BTNL9: variants seen among roughly 807,000 people sequenced by gnomAD.
The protein encoded by BTNL9 is butyrophilin-like protein 9.
In BTNL9, 45 loss-of-function variants were observed where a neutral mutation model predicts 45.8. The ratio of observed to expected loss-of-function variants is 0.98; its 90% CI spans 0.77 to 1.26. BTNL9 has a LOEUF of 1.26. Ranked by LOEUF, BTNL9 falls within the 50% of genes most tolerant of loss-of-function variation. The pLI, the probability that BTNL9 is intolerant of heterozygous loss-of-function variation, is 0.00. For synonymous variants in BTNL9, 346 were observed against 330.8 expected (o/e 1.05, Z -0.50); for missense variants, 784 against 729.7 (o/e 1.07, Z -0.86).
In BTNL9 at chr5:181,060,463, G is replaced by A. The variant is rs1208271992; in HGVS notation, c.*601G>A. 1 of 152,264 alleles carries A rather than the reference G, an allele frequency of 6.6e-6. No homozygotes were observed. Among genetic ancestry groups the A allele is most frequent in the East Asian group, 1.9e-4 (1 of 5,202 alleles). The allele number at this position is 152,264 out of a possible 1,614,324, so 9.4% of individuals were successfully genotyped here. On this transcript the variant is annotated 3_prime_UTR_variant, in exon 11 of 11. Coordinates refer to ENST00000327705, the MANE Select transcript of BTNL9 (RefSeq NM_152547.5). ...TGACGGCAACCCGGCAAAAGGGTAG[G>A]GAGCCAGGCCGAAGGGGCCTCACTG...
chr5:181,056,380 C>T (rs1044076967), intron 9 of BTNL9, among the ~76,000 whole-genome samples: 2 of 152,142 alleles, frequency 1.3e-5, no homozygotes, highest in Non-Finnish European at 2.9e-5. Context: ...TATATTCTTG[C>T]AAAATGTGAA....
Position 181,050,429 on chromosome 5 carries a change from C to T in BTNL9, c.736+60C>T. 6.4e-7 allele frequency: 1 copy of T among 1,563,422 alleles called. No homozygotes were observed. On this transcript the variant is annotated intron_variant, in intron 4 of 10. Transcript: ENST00000327705. This position sits in a 1 kb window ranked among gnomAD's most constrained non-coding sequence, Gnocchi z 4.9. Reference sequence around the variant, plus strand: ...TCCTCATGTGTACATACACATTGGCCCAAAGGCAGTCTATAAAGACACAAT... The same window carrying T: ...TCCTCATGTGTACATACACATTGGCTCAAAGGCAGTCTATAAAGACACAAT...
chr5:181,059,543 A>C lies in BTNL9; in HGVS notation c.1289A>C (p.Tyr430Ser), dbSNP rs1187786079. 1 of 1,609,266 alleles carries C rather than the reference A, an allele frequency of 6.2e-7. No individual in the cohort carries two copies. Among genetic ancestry groups the C allele is most frequent in the East Asian group, 2.2e-5 (1 of 44,844 alleles). ...WVLGLWNGCEYFVLAPHRVAL... is the reference protein window; with the variant it reads ...WVLGLWNGCESFVLAPHRVAL... Reference sequence around the variant, plus strand: ...CTGGGGCTGTGGAACGGCTGCGAGTACTTCGTCCTGGCCCCGCACCGCGTC... The same window carrying C: ...CTGGGGCTGTGGAACGGCTGCGAGTCCTTCGTCCTGGCCCCGCACCGCGTC... Residue 430 changes from tyrosine to serine, a missense_variant, in exon 11 of 11, where the codon TAC becomes TCC. Transcript: ENST00000327705.
At position 181,053,221 on chromosome 5, in the gene BTNL9, C is replaced by A; in HGVS notation, c.758C>A (p.Ser253Tyr). 6.3e-7 allele frequency: 1 copy of A among 1,588,330 alleles called. No individual in the cohort carries two copies. Among genetic ancestry groups the A allele is most frequent in the Non-Finnish European group, 8.6e-7 (1 of 1,168,252 alleles). The change falls in exon 5 of 11, where the codon TCT becomes TAT. Residue 253 changes from serine (S) to tyrosine (Y), a missense_variant. Physicochemically the swap from Ser to Tyr is moderately radical, Grantham distance 144. Coordinates refer to ENST00000327705, the MANE Select transcript of BTNL9 (RefSeq NM_152547.5). The surrounding 1 kb of genome is among the most constrained non-coding windows in gnomAD (Gnocchi z 6.5). ...QIADVFVPGA[S>Y]AWKSAFVATL... Reference sequence around the variant, plus strand: ...CCAGACGTGTTCGTACCCGGAGCCTCTGCGTGGAAGAGCGCGTTCGTCGCG... The same window carrying A: ...CCAGACGTGTTCGTACCCGGAGCCTATGCGTGGAAGAGCGCGTTCGTCGCG...
intron 1 of BTNL9, among the ~76,000 whole-genome samples, chr5:181,040,716 T>A (rs1760733479): frequency 6.6e-6 from 1 of 152,206 alleles, no homozygotes; most frequent in African/African-American, 2.4e-5. Flanking sequence ...GCAGTCCATC[T>A]TCCTTAGAGA....
chr5:181,043,150 A>C (rs1321151463), intron 1 of BTNL9, among the ~76,000 whole-genome samples: 1 of 152,006 alleles, frequency 6.6e-6, no homozygotes, highest in Non-Finnish European at 1.5e-5. Context: ...GATAGGAAGT[A>C]CCCAATGCAT....
In BTNL9 at chr5:181,053,206, T is replaced by C; in HGVS notation, c.743T>C (p.Phe248Ser). 1 of 1,579,696 alleles carries C rather than the reference T, an allele frequency of 6.3e-7. No homozygotes were observed. Among genetic ancestry groups the C allele is most frequent in the Non-Finnish European group, 8.6e-7 (1 of 1,164,274 alleles). Residue 248 changes from phenylalanine (F) to serine (S), a missense_variant, in exon 5 of 11, where the codon TTC becomes TCC. Phe to Ser is a radical substitution (Grantham distance 155). Coordinates refer to ENST00000327705, the MANE Select transcript of BTNL9 (RefSeq NM_152547.5). This position sits in a 1 kb window ranked among gnomAD's most constrained non-coding sequence, Gnocchi z 6.5. ...CCCCGCGGGTGTTTTCCAGACGTGTTCGTACCCGGAGCCTCTGCGTGGAAG... is the reference window on the plus strand; with the variant it reads ...CCCCGCGGGTGTTTTCCAGACGTGTCCGTACCCGGAGCCTCTGCGTGGAAG... ...KELVVQIADVFVPGASAWKSA... is the reference protein window; with the variant it reads ...KELVVQIADVSVPGASAWKSA...
rs999935946 is a variant in BTNL9, at chr5:181,058,250, T to A, written c.956-102T>A. 11 of 1,352,504 alleles carry A rather than the reference T, an allele frequency of 8.1e-6. No individual in the cohort carries two copies. In the African/African-American group the frequency reaches 1.4e-4, roughly 18 times the overall value. 83.8% of individuals were successfully genotyped at this position (1,352,504 alleles called of 1,614,324 possible). A position where few individuals can be genotyped will look rare whatever the true frequency, so the allele number is the denominator to read the frequency against. ...GTTGTCACAGTGGGAATGGGGTCAT[T>A]CGATCTGCATGCATCCCTCATACAT... On this transcript the variant is annotated intron_variant, in intron 9 of 10. Transcript: ENST00000327705.
chr5:181,049,998 G>A lies in BTNL9; in HGVS notation c.455-90G>A, dbSNP rs1318983707. The A allele has an allele frequency of 2.7e-6, 4 of 1,469,236 alleles. No individual in the cohort carries two copies. The Admixed American group carries it at 7.8e-5, about 29-fold the overall frequency. The allele number at this position is 1,469,236 out of a possible 1,614,324, so 91.0% of individuals were successfully genotyped here. Reference sequence around the variant, plus strand: ...GCAGTCACACTTCATGATGCTTTATGGTGACTGCAAATGCTGAACAGTGGC... The same window carrying A: ...GCAGTCACACTTCATGATGCTTTATAGTGACTGCAAATGCTGAACAGTGGC... On this transcript the variant is annotated intron_variant, in intron 3 of 10. Coordinates refer to ENST00000327705, the MANE Select transcript of BTNL9 (RefSeq NM_152547.5).
chr5:181,058,654 G>C (rs1762002279), intron 10 of BTNL9, among the ~76,000 whole-genome samples: 1 of 152,148 alleles, frequency 6.6e-6, no homozygotes, highest in Non-Finnish European at 1.5e-5. Flanking sequence ...GCAGGCGAGA[G>C]TGCAGAGTCT....
Position 181,059,994 on chromosome 5 carries a change from C to T in BTNL9, c.*132C>T, listed in dbSNP as rs887198756. ...TCAGCGAGGGGGACAAAGAGAGGGA[C>T]CTTTGCCTACGTAGATGTGTATGTG... On this transcript the variant is annotated 3_prime_UTR_variant, in exon 11 of 11. Coordinates refer to ENST00000327705, the MANE Select transcript of BTNL9 (RefSeq NM_152547.5). 5.4e-5 allele frequency: 44 copies of T among 809,082 alleles called. No homozygotes were observed. In the Middle Eastern group the frequency reaches 2.5e-3, roughly 45 times the overall value. The allele number at this position is 809,082 out of a possible 1,614,324, so 50.1% of individuals were successfully genotyped here.
At position 181,058,389 on chromosome 5, in the gene BTNL9, C is replaced by T; in HGVS notation, c.982+11C>T. ...CCCAAAAATATGCAGGTAACTGAAG[C>T]CAGGAAACTGATTTGTGTTTTGGTT... On this transcript the variant is annotated intron_variant, in intron 10 of 10. Coordinates refer to ENST00000327705, the MANE Select transcript of BTNL9 (RefSeq NM_152547.5). 6.2e-7 allele frequency: 1 copy of T among 1,614,062 alleles called. No homozygotes were observed. Among genetic ancestry groups the T allele is most frequent in the Non-Finnish European group, 8.5e-7 (1 of 1,179,982 alleles).
At position 181,048,360 on chromosome 5, in the gene BTNL9, G is replaced by C. The variant is rs1051218109; in HGVS notation, c.454+89G>C. The C allele has an allele frequency of 4.9e-6, 6 of 1,235,570 alleles. No homozygotes were observed. The African/African-American group carries it at 9.2e-5, about 19-fold the overall frequency. The allele number at this position is 1,235,570 out of a possible 1,614,324, so 76.5% of individuals were successfully genotyped here. On this transcript the variant is annotated intron_variant, in intron 3 of 10. Coordinates refer to ENST00000327705, the MANE Select transcript of BTNL9 (RefSeq NM_152547.5). Reference sequence around the variant, plus strand: ...GTGGAGTCACAGAGAACAGAAGAATGTCGGTGATTTTTAAAAAACATAAAA... The same window carrying C: ...GTGGAGTCACAGAGAACAGAAGAATCTCGGTGATTTTTAAAAAACATAAAA...
In BTNL9 at chr5:181,060,719, A is replaced by AG. The variant is rs1473710338; in HGVS notation, c.*861dup. On this transcript the variant is annotated 3_prime_UTR_variant, in exon 11 of 11. Transcript: ENST00000327705. The stretch of plus-strand genomic sequence containing the variant: ...CTTATACACTACTTATAAGTTTGAA[A>AG]GGGGAAAGGTTACCTTTACAATGGA... The AG allele has an allele frequency of 6.6e-6, 1 of 152,226 alleles. No individual in the cohort carries two copies. Among genetic ancestry groups the AG allele is most frequent in the Non-Finnish European group, 1.5e-5 (1 of 68,038 alleles). 9.4% of individuals were successfully genotyped at this position (152,226 alleles called of 1,614,324 possible). A position where few individuals can be genotyped will look rare whatever the true frequency, so the allele number is the denominator to read the frequency against.
chr5:181,053,920 A>T lies in BTNL9; in HGVS notation c.887-319A>T. The T allele has an allele frequency of 6.6e-7, 1 of 1,511,474 alleles. No homozygotes were observed. 93.6% of individuals were successfully genotyped at this position (1,511,474 alleles called of 1,614,324 possible). A position where few individuals can be genotyped will look rare whatever the true frequency, so the allele number is the denominator to read the frequency against. On this transcript the variant is annotated intron_variant, in intron 6 of 10. Coordinates refer to ENST00000327705, the MANE Select transcript of BTNL9 (RefSeq NM_152547.5). This position sits in a 1 kb window ranked among gnomAD's most constrained non-coding sequence, Gnocchi z 6.5. The stretch of plus-strand genomic sequence containing the variant: ...CGGTCAGGCACCGAGAAAACAGCCC[A>T]GTTACGTGAGGCAGTGTCCGGGGCT...
rs1209207691 is a variant in BTNL9, at chr5:181,048,061, G to A, written c.244G>A (p.Val82Met). 1 of 1,613,578 alleles carries A rather than the reference G, an allele frequency of 6.2e-7. No individual in the cohort carries two copies. Among genetic ancestry groups the A allele is most frequent in the Admixed American group, 1.7e-5 (1 of 59,986 alleles). ...CTGGTTCCGGAGTCAGACCTTCAATGTGGTACACCTGTACCAGGAGCAGCA... is the reference window on the plus strand; with the variant it reads ...CTGGTTCCGGAGTCAGACCTTCAATATGGTACACCTGTACCAGGAGCAGCA... The part of the protein sequence containing the change: ...IRWFRSQTFN[V>M]VHLYQEQQEL... The change falls in exon 3 of 11, where the codon GTG (valine) becomes ATG (methionine). Residue 82 changes from valine (V) to methionine (M), a missense_variant. Transcript: ENST00000327705.
chr5:181,053,427 G>C lies in BTNL9; in HGVS notation c.854-42G>C. 1.9e-6 allele frequency: 3 copies of C among 1,550,886 alleles called. No individual in the cohort carries two copies. The highest frequency in any genetic ancestry group is 2.6e-6 in the Non-Finnish European group (3 of 1,147,968). On this transcript the variant is annotated intron_variant, in intron 5 of 10. Coordinates refer to ENST00000327705, the MANE Select transcript of BTNL9 (RefSeq NM_152547.5). The surrounding 1 kb of genome is among the most constrained non-coding windows in gnomAD (Gnocchi z 6.5). ...CGCGGGAAGGCGGCCTGGAAGGGGCGGGGGCGCGCACTCAGCCCTCTCCGC... is the reference window on the plus strand; with the variant it reads ...CGCGGGAAGGCGGCCTGGAAGGGGCCGGGGCGCGCACTCAGCCCTCTCCGC...
Position 181,053,659 on chromosome 5 carries a change from A to T in BTNL9, c.886+158A>T. On this transcript the variant is annotated intron_variant, in intron 6 of 10. Transcript: ENST00000327705. This position sits in a 1 kb window ranked among gnomAD's most constrained non-coding sequence, Gnocchi z 6.5. ...CGGTGACCCCGGTGGGGAAGGGGGAAGATCGTTCATATGGACAAAAGCGGA... is the reference window on the plus strand; with the variant it reads ...CGGTGACCCCGGTGGGGAAGGGGGATGATCGTTCATATGGACAAAAGCGGA... The T allele has an allele frequency of 1.3e-6, 2 of 1,533,870 alleles. No homozygotes were observed. The highest frequency in any genetic ancestry group is 1.8e-6 in the Non-Finnish European group (2 of 1,137,942).
At chr5:181,041,076 A>G (rs1340650660) in intron 1 of BTNL9, among the ~76,000 whole-genome samples, 2 of 152,232 alleles carry the variant, frequency 1.3e-5, no homozygotes, top group African/African-American at 4.8e-5. Context: ...AGAGCAAGAG[A>G]CATGGCATTT....
Sources: gnomAD v4.1 joint callset for allele counts (sites outside exome capture counted in the v4.1 genomes callset) on GRCh38, gnomAD v4.1.1 for gene constraint, Gnocchi (gnomAD v3.1) non-coding constraint, MANE v1.5 for transcripts, NCBI Gene and HGNC (gene_info 2026-07-23, HGNC 2026-07-21) for gene names.